Variants in PLEKHG5 observed in about 807,000 individuals in gnomAD.
PLEKHG5 encodes pleckstrin homology domain-containing family G member 5.
In PLEKHG5, 52 loss-of-function variants were observed where a neutral mutation model predicts 103.8. That is an observed-to-expected ratio of 0.50 (90% CI 0.40 to 0.63). The LOEUF (loss-of-function observed/expected upper bound fraction) is 0.63, where lower values mean the gene tolerates loss of function less well. Ranked by LOEUF, PLEKHG5 falls within the 30% of genes least tolerant of loss-of-function variation. The pLI, the probability that PLEKHG5 is intolerant of heterozygous loss-of-function variation, is 0.00. For missense variants in PLEKHG5, 1,205 were observed against 1,347.6 expected (o/e 0.89, Z 1.66); for synonymous variants, 592 against 575.5 (o/e 1.03, Z -0.41).
In PLEKHG5 at chr1:6,467,903, G is replaced by A. The variant is rs150133974; in HGVS notation, c.2933C>T (p.Ala978Val). The A allele has an allele frequency of 6.2e-6, 10 of 1,606,546 alleles. No individual in the cohort carries two copies. The highest frequency in any genetic ancestry group is 8.5e-6 in the Non-Finnish European group (10 of 1,177,008). Residue 978 changes from alanine (A) to valine (V), a missense_variant, in exon 20 of 21, where the codon GCC (alanine) becomes GTC (valine). Coordinates refer to ENST00000377728, the MANE Select transcript of PLEKHG5 (RefSeq NM_020631.6). ...GGCCAGGGTCAGCTTCCTGTGCTGG[G>A]CAGAGACCCCTGGTGGGGGCTCAGG... is the stretch of plus-strand genomic sequence containing the variant. ...VQPEPPPGVS[A>V]QHRKLTLAQL...
intron 1 of PLEKHG5, among the ~76,000 whole-genome samples, chr1:6,511,611 C>T (rs376530681): frequency 6.6e-6 from 1 of 152,226 alleles, no homozygotes; most frequent in African/African-American, 2.4e-5. Context: ...CTCCAATCCT[C>T]AGGGCCCCCA....
intron 1 of PLEKHG5, among the ~76,000 whole-genome samples, chr1:6,509,914 C>A (rs1210934304): frequency 6.6e-6 from 1 of 152,184 alleles, no homozygotes; most frequent in Non-Finnish European, 1.5e-5. Context: ...CTGTACCCAA[C>A]AAGAGCCCCG....
chr1:6,485,549 C>T (rs1341208782), intron 1 of PLEKHG5: 1 of 1,102,358 alleles, frequency 9.1e-7, no homozygotes, highest in African/African-American at 1.6e-5. Context: ...GCGGGGACCC[C>T]GGGGAGGGCC....
upstream of PLEKHG5, among the ~76,000 whole-genome samples, chr1:6,492,199 T>C (rs1034548992): frequency 6.6e-6 from 1 of 152,144 alleles, no homozygotes; most frequent in Admixed American, 6.5e-5. Context: ...ATACAGTACG[T>C]GCTGGATCAA....
intron 5 of PLEKHG5, 56 bp downstream of exon 5, chr1:6,474,991 A>G: frequency 9.3e-7 from 1 of 1,074,982 alleles, no homozygotes; most frequent in African/African-American, 1.5e-5. Context: ...AGCCTGCAAC[A>G]TGGGGCCACC....
intron 1 of PLEKHG5, among the ~76,000 whole-genome samples, chr1:6,508,922 C>T (rs1413940728): frequency 1.3e-5 from 2 of 152,262 alleles, no homozygotes; most frequent in Admixed American, 6.5e-5. Context: ...AGCCCCAGAG[C>T]GGTACACACA....
chr1:6,477,407 T>C, intron 2 of PLEKHG5, 122 bp downstream of exon 2: 1 of 1,021,978 alleles, frequency 9.8e-7, no homozygotes, highest in Non-Finnish European at 1.5e-6. Flanking sequence ...AACCGTAACA[T>C]ACTCGGGTTT....
At chr1:6,512,253 C>T (rs1638494445) in intron 1 of PLEKHG5, among the ~76,000 whole-genome samples, 1 of 152,222 alleles carries the variant, frequency 6.6e-6, no homozygotes, top group Admixed American at 6.5e-5. Flanking sequence ...GATATTTGAG[C>T]TCCACATGCT....
intron 15 of PLEKHG5, 54 bp from the exon 16 acceptor site, chr1:6,470,409 GC>G (rs1644530716): frequency 1.2e-6 from 2 of 1,613,008 alleles, no homozygotes; most frequent in Admixed American, 1.7e-5. Context: ...TCCCATCTCA[GC>G]TAGGCATCCT....
intron 1 of PLEKHG5, among the ~76,000 whole-genome samples, chr1:6,506,582 G>A (rs891358454): frequency 6.6e-6 from 1 of 152,198 alleles, no homozygotes; most frequent in African/African-American, 2.4e-5. Context: ...CCCCTGACCT[G>A]TGACCCCGCT....
upstream of PLEKHG5, among the ~76,000 whole-genome samples, chr1:6,494,542 G>A (rs1645195554): frequency 6.6e-6 from 1 of 152,074 alleles, no homozygotes; most frequent in African/African-American, 2.4e-5. Context: ...GGGATCGCAG[G>A]TATGAGCAAC....
chr1:6,490,537 G>A lies in PLEKHG5; in HGVS notation c.-88+1100C>T. 1 of 985,522 alleles carries A rather than the reference G, an allele frequency of 1.0e-6. No homozygotes were observed. 61.0% of individuals were successfully genotyped at this position (985,522 alleles called of 1,614,324 possible). The stretch of plus-strand genomic sequence containing the variant: ...GCCTCATGGGGCGCGCGGGGAGAGG[G>A]GGACGGGAGCCGCGGGACGGGCTCA... On this transcript the variant is annotated intron_variant, in intron 1 of 20. Transcript: ENST00000377728. The surrounding 1 kb of genome is among the most constrained non-coding windows in gnomAD (Gnocchi z 8.0).
At chr1:6,485,860 G>T in intron 1 of PLEKHG5, 3 of 989,178 alleles carry the variant, frequency 3.0e-6, no homozygotes, top group East Asian at 1.1e-4. Context: ...GCGGCCCCGG[G>T]CCCCTCTCTT....
chr1:6,468,395 G>C lies in PLEKHG5; in HGVS notation c.2441C>G (p.Ser814Cys). 6.2e-7 allele frequency: 1 copy of C among 1,610,998 alleles called. No individual in the cohort carries two copies. Among genetic ancestry groups the C allele is most frequent in the Non-Finnish European group, 8.5e-7 (1 of 1,178,980 alleles). The change falls in exon 20 of 21, where the codon TCC (serine) becomes TGC (cysteine). Residue 814 changes from serine (S) to cysteine (C), a missense_variant. Transcript: ENST00000377728. Reference protein sequence around the residue: ...PLGPVDGRSCSMDSAYGTLSP... With the variant: ...PLGPVDGRSCCMDSAYGTLSP... ...GAGGGTGCCGTAGGCAGAGTCCATGGAGCAGGAGCGGCCGTCCACCGGACC... is the reference window on the plus strand; with the variant it reads ...GAGGGTGCCGTAGGCAGAGTCCATGCAGCAGGAGCGGCCGTCCACCGGACC...
chr1:6,486,673 G>A lies in PLEKHG5; in HGVS notation c.-88+4964C>T, dbSNP rs976312064. On this transcript the variant is annotated intron_variant, in intron 1 of 20. Transcript: ENST00000377728. This position sits in a 1 kb window ranked among gnomAD's most constrained non-coding sequence, Gnocchi z 5.3. ...GGCACTCAGCAAAGCCTGAGAGGAC[G>A]CAAACGCCCAGACTCTGGTGCTGGA... 2.0e-4 allele frequency among the ~76,000 whole-genome samples: 30 copies of A among 152,208 alleles called. No individual in the cohort carries two copies. Among genetic ancestry groups the A allele is most frequent in the African/African-American group, 6.5e-4 (27 of 41,444 alleles).
Position 6,491,039 on chromosome 1 carries a change from G to A in PLEKHG5, c.-88+598C>T, listed in dbSNP as rs1295929656. On this transcript the variant is annotated intron_variant, in intron 1 of 20. Transcript: ENST00000377728. The surrounding 1 kb of genome is among the most constrained non-coding windows in gnomAD (Gnocchi z 4.1). ...GCTCTATTGTAAAAAGCTGGATTCT[G>A]ATCTGCGGCCTCCGCGGTGCCCCAG... Among the ~76,000 whole-genome samples, 1 of 151,992 alleles carries A rather than the reference G, an allele frequency of 6.6e-6. No individual in the cohort carries two copies. The highest frequency in any genetic ancestry group is 2.4e-5 in the African/African-American group (1 of 41,362).
chr1:6,516,119 A>G (rs1303297436), intron 1 of PLEKHG5, among the ~76,000 whole-genome samples: 4 of 152,182 alleles, frequency 2.6e-5, no homozygotes, highest in Non-Finnish European at 5.9e-5. Context: ...AATGTCCACT[A>G]TGGCACCATT....
chr1:6,472,283 G>C (rs191091039), intron 10 of PLEKHG5, among the ~76,000 whole-genome samples: 2 of 152,372 alleles, frequency 1.3e-5, no homozygotes, highest in East Asian at 3.9e-4. Flanking sequence ...AACAGCCACT[G>C]AACGAAAGTG....
chr1:6,517,902 C>T (rs4243832), intron 1 of PLEKHG5, among the ~76,000 whole-genome samples: 126,195 of 152,082 alleles, frequency 0.83, 53,066 homozygotes, highest in Non-Finnish European at 0.89. Flanking sequence ...TCCTGACCCC[C>T]GACTCCCAAA....
Sources: gnomAD v4.1 joint callset for allele counts (sites outside exome capture counted in the v4.1 genomes callset) on GRCh38, gnomAD v4.1.1 for gene constraint, Gnocchi (gnomAD v3.1) non-coding constraint, MANE v1.5 for transcripts, NCBI Gene and HGNC (gene_info 2026-07-23, HGNC 2026-07-21) for gene names.